The following SCAF8 variants were observed in gnomAD, a reference collection of about 807,000 sequenced individuals.
SCAF8 encodes SR-related CTD associated factor 8, also known as SR-related and CTD-associated factor 8.
A neutral mutation model predicts 140.5 loss-of-function variants in SCAF8; 23 were observed. The ratio of observed to expected loss-of-function variants is 0.16; its 90% CI spans 0.12 to 0.23. SCAF8 has a LOEUF of 0.23. Ranked by LOEUF, SCAF8 falls within the 10% of genes least tolerant of loss-of-function variation. The probability of loss-of-function intolerance (pLI) is 1.00; values close to 1 mark genes in which losing one functional copy is unlikely to be tolerated. For missense variants in SCAF8, 1,397 were observed against 1,555.7 expected (o/e 0.90, Z 1.72); for synonymous variants, 575 against 528.9 (o/e 1.09, Z -1.20).
At chr6:154,756,645 T>G (rs1441518233) in intron 1 of SCAF8, among the ~76,000 whole-genome samples, 3 of 152,208 alleles carry the variant, frequency 2.0e-5, no homozygotes, top group Non-Finnish European at 2.9e-5. Context: ...ACTCTCAAAT[T>G]TATACATTGT....
At chr6:154,767,252 A>G (rs960610555) in intron 1 of SCAF8, among the ~76,000 whole-genome samples, 4 of 152,178 alleles carry the variant, frequency 2.6e-5, no homozygotes, top group African/African-American at 9.7e-5. Context: ...GCAGCTTTAT[A>G]GAAAGGGCAG....
At chr6:154,823,664 A>T (rs762561470) in intron 16 of SCAF8, among the ~76,000 whole-genome samples, 1 of 152,196 alleles carries the variant, frequency 6.6e-6, no homozygotes, top group Non-Finnish European at 1.5e-5. Flanking sequence ...GGGAAGGACG[A>T]CTGGAAAATC....
chr6:154,766,661 C>CA (rs1320247902), intron 1 of SCAF8, among the ~76,000 whole-genome samples: 1 of 92,238 alleles, frequency 1.1e-5, no homozygotes, highest in African/African-American at 5.4e-5. Flanking sequence ...CCAGCAGCAC[C>CA]CCCCCCCCTT....
intron 9 of SCAF8, among the ~76,000 whole-genome samples, chr6:154,807,529 G>A (rs1239790225): frequency 2.6e-5 from 4 of 152,092 alleles, no homozygotes; most frequent in East Asian, 1.9e-4. Context: ...ACAGGCATCC[G>A]CCACCGTGCC....
chr6:154,773,845 T>A (rs1290298664), intron 1 of SCAF8, 144 bp from the exon 2 acceptor site: 2 of 630,070 alleles, frequency 3.2e-6, no homozygotes, highest in Non-Finnish European at 5.7e-6. Context: ...TGCATTTGCC[T>A]TATGGGCAGT....
chr6:154,795,289 A>G lies in SCAF8; in HGVS notation c.606+150A>G, dbSNP rs536601208. On this transcript the variant is annotated intron_variant, in intron 6 of 19. Coordinates refer to ENST00000367178, the MANE Select transcript of SCAF8 (RefSeq NM_014892.5). ...GTATACTTTGTTACTTACTTAAGTC[A>G]TTTAATAGTGCATCATGAATGCTTT... is the stretch of plus-strand genomic sequence containing the variant. The G allele has an allele frequency of 4.4e-4, 254 of 575,148 alleles. No individual in the cohort carries two copies. The South Asian group carries it at 7.3e-3, about 17-fold the overall frequency. 35.6% of individuals were successfully genotyped at this position (575,148 alleles called of 1,614,324 possible).
intron 1 of SCAF8, among the ~76,000 whole-genome samples, chr6:154,771,966 G>C (rs909186667): frequency 6.6e-6 from 1 of 152,202 alleles, no homozygotes; most frequent in African/African-American, 2.4e-5. Context: ...CTTCAGGTGA[G>C]AGATTAAGGT....
In SCAF8 at chr6:154,810,091, T is replaced by C. The variant is rs1243664155; in HGVS notation, c.1303T>C (p.Ser435Pro). Reference sequence around the variant, plus strand: ...ACACAGAAAGCGATCACGCTCCCGCTCAAGAGAAAGAAAGAGGAAATCATC... The same window carrying C: ...ACACAGAAAGCGATCACGCTCCCGCCCAAGAGAAAGAAAGAGGAAATCATC... ...RKHRKRSRSRSRERKRKSSRS... is the reference protein window; with the variant it reads ...RKHRKRSRSRPRERKRKSSRS... The change falls in exon 12 of 20, where the codon TCA becomes CCA. Residue 435 changes from serine (S) to proline (P), a missense_variant. Ser to Pro is a moderately conservative substitution (Grantham distance 74, BLOSUM62 -1). Around this residue, in one of 5 missense-constraint regions of SCAF8, gnomAD observed 339 missense variants for 407.5 expected, o/e 0.83. Transcript: ENST00000367178. 1 of 1,613,576 alleles carries C rather than the reference T, an allele frequency of 6.2e-7. No homozygotes were observed. The highest frequency in any genetic ancestry group is 8.5e-7 in the Non-Finnish European group (1 of 1,179,864).
chr6:154,809,648 G>A (rs1428316397), intron 11 of SCAF8, among the ~76,000 whole-genome samples: 3 of 152,156 alleles, frequency 2.0e-5, no homozygotes, highest in African/African-American at 7.2e-5. Flanking sequence ...GCAGAATTAT[G>A]TAGTGGCCTA....
chr6:154,803,881 C>T (rs1194609955), intron 8 of SCAF8, among the ~76,000 whole-genome samples: 1 of 151,948 alleles, frequency 6.6e-6, no homozygotes, highest in Non-Finnish European at 1.5e-5. Context: ...GTAATATTTT[C>T]CATATTAGGC....
At chr6:154,777,157 G>C (rs1776938943) in intron 2 of SCAF8, among the ~76,000 whole-genome samples, 1 of 151,956 alleles carries the variant, frequency 6.6e-6, no homozygotes, top group Admixed American at 6.6e-5. Flanking sequence ...CACCAGCCTG[G>C]GTGACAGAGT....
chr6:154,755,579 T>TAAA (rs1778947641), intron 1 of SCAF8, among the ~76,000 whole-genome samples: 1 of 152,208 alleles, frequency 6.6e-6, no homozygotes, highest in Non-Finnish European at 1.5e-5. Flanking sequence ...ATAGTGATAT[T>TAAA]GCTTGAATCA....
At chr6:154,794,881 C>A in intron 5 of SCAF8, 128 bp from the exon 6 acceptor site, 1 of 709,420 alleles carries the variant, frequency 1.4e-6, no homozygotes, top group Middle Eastern at 5.0e-4. Context: ...TCAAAGTGGA[C>A]ACAATAAAAT....
At chr6:154,782,429 AAAAC>A (rs1039700511) in intron 3 of SCAF8, among the ~76,000 whole-genome samples, 11 of 152,140 alleles carry the variant, frequency 7.2e-5, no homozygotes, top group East Asian at 3.9e-4. Context: ...AAAACAAAAC[AAAAC>A]AAACAAACAG....
At chr6:154,821,073 A>G (rs561516903) in intron 15 of SCAF8, among the ~76,000 whole-genome samples, 4 of 152,198 alleles carry the variant, frequency 2.6e-5, no homozygotes, top group Admixed American at 2.6e-4. Flanking sequence ...CACCCCGCCA[A>G]TGGCTGCTTA....
chr6:154,735,779 G>C (rs1778400614), intron 1 of SCAF8, among the ~76,000 whole-genome samples: 1 of 151,966 alleles, frequency 6.6e-6, no homozygotes, highest in Non-Finnish European at 1.5e-5. Context: ...CTCCCAAAGT[G>C]CTGAGATTAT....
At chr6:154,812,608 C>G (rs3087697) in intron 12 of SCAF8, among the ~76,000 whole-genome samples, 75,338 of 151,876 alleles carry the variant, frequency 0.5, 19,415 homozygotes, top group East Asian at 0.9. Flanking sequence ...TTTCTTAACA[C>G]ATTTTAAACA....
intron 19 of SCAF8, 43 bp from the exon 20 acceptor site, chr6:154,831,896 T>C (rs1224941129): frequency 2.0e-6 from 3 of 1,522,056 alleles, no homozygotes; most frequent in East Asian, 2.3e-5. Flanking sequence ...TTGGAAACTT[T>C]TGACTGTTAT....
chr6:154,764,336 G>A (rs957260680), intron 1 of SCAF8, among the ~76,000 whole-genome samples: 2 of 147,686 alleles, frequency 1.4e-5, no homozygotes, highest in African/African-American at 5.1e-5. Flanking sequence ...TCATTGAAAT[G>A]ATAAGTCTTG....
Sources: gnomAD v4.1 joint callset for allele counts (sites outside exome capture counted in the v4.1 genomes callset) on GRCh38, gnomAD v4.1.1 for gene constraint, gnomAD v4.1.1 regional missense constraint, MANE v1.5 for transcripts, NCBI Gene and HGNC (gene_info 2026-07-23, HGNC 2026-07-21) for gene names.